The following IGSF10 variants were observed in gnomAD, a reference collection of about 807,000 sequenced individuals.
IGSF10 encodes immunoglobulin superfamily member 10, also known as calvaria mechanical force protein 608.
A neutral mutation model predicts 128.2 loss-of-function variants in IGSF10; 126 were observed. The ratio of observed to expected loss-of-function variants is 0.98; its 90% CI spans 0.85 to 1.14. The LOEUF (loss-of-function observed/expected upper bound fraction) is 1.14. Ranked by LOEUF, IGSF10 falls within the 50% of genes most tolerant of loss-of-function variation. The probability of loss-of-function intolerance (pLI) is 0.00; values close to 1 mark genes in which losing one functional copy is unlikely to be tolerated. For synonymous variants in IGSF10, 1,185 were observed against 1,146.2 expected (o/e 1.03, Z -0.68); for missense variants, 3,295 against 3,149.8 (o/e 1.05, Z -1.10).
the IGSF10 span, among the ~76,000 whole-genome samples, chr3:151,619,698 C>T: frequency 1.1e-4 from 17 of 152,138 alleles, no homozygotes; most frequent in South Asian, 4.2e-4. Flanking sequence ...ATCCCCACTG[C>T]GGCAGGGTTG....
the IGSF10 span, among the ~76,000 whole-genome samples, chr3:151,606,031 T>G: frequency 6.6e-6 from 1 of 152,198 alleles, no homozygotes; most frequent in Non-Finnish European, 1.5e-5. Flanking sequence ...GAATCACTAT[T>G]CTATCTGAAC....
chr3:151,506,504 T>C, the IGSF10 span, among the ~76,000 whole-genome samples: 1 of 152,214 alleles, frequency 6.6e-6, no homozygotes. Context: ...GATTTCTGCC[T>C]ATGTATAATA....
the IGSF10 span, among the ~76,000 whole-genome samples, chr3:151,570,014 T>C: frequency 6.6e-6 from 1 of 152,134 alleles, no homozygotes; most frequent in Admixed American, 6.6e-5. Context: ...ATAAGTTTGC[T>C]GAGAATGATG....
the IGSF10 span, among the ~76,000 whole-genome samples, chr3:151,559,714 G>A: frequency 6.6e-6 from 1 of 152,014 alleles, no homozygotes; most frequent in East Asian, 1.9e-4. Flanking sequence ...GATAGGGGAG[G>A]GTATGGGAGA....
rs755635081 is a variant in IGSF10, at chr3:151,447,516, G to T, written c.2465C>A (p.Thr822Asn). ...KALNLPARTV[T>N]ADSRTISDSP... is the part of the protein sequence containing the mutation. The stretch of plus-strand genomic sequence containing the variant: ...ATCAGATATTGTTCTGGAGTCAGCA[G>T]TCACTGTCCTTGCTGGAAGGTTCAA... The change falls in exon 6 of 8, where the codon ACT becomes AAT. Residue 822 changes from threonine (T) to asparagine (N), a missense_variant. Transcript: ENST00000282466. 3 of 1,614,038 alleles carry T rather than the reference G, an allele frequency of 1.9e-6. No homozygotes were observed. Among genetic ancestry groups the T allele is most frequent in the Non-Finnish European group, 2.5e-6 (3 of 1,179,982 alleles).
the IGSF10 span, among the ~76,000 whole-genome samples, chr3:151,596,478 ATGTG>A: frequency 3.3e-5 from 5 of 151,148 alleles, no homozygotes; most frequent in Non-Finnish European, 4.4e-5. Flanking sequence ...TATGGTGTTT[ATGTG>A]TGTGTGTGTG....
the IGSF10 span, among the ~76,000 whole-genome samples, chr3:151,609,647 T>C: frequency 1.3e-5 from 2 of 152,166 alleles, no homozygotes; most frequent in Non-Finnish European, 2.9e-5. Flanking sequence ...CACCATTAAA[T>C]ACTGTGCGGC....
chr3:151,617,195 TCTTTCC>T, the IGSF10 span, among the ~76,000 whole-genome samples: 1 of 116,782 alleles, frequency 8.6e-6, no homozygotes. Context: ...TCCTCCTCCT[TCTTTCC>T]TCCTCCTCCT....
chr3:151,529,915 G>A, the IGSF10 span, among the ~76,000 whole-genome samples: 1 of 151,946 alleles, frequency 6.6e-6, no homozygotes, highest in Non-Finnish European at 1.5e-5. Flanking sequence ...ACTCCTCCGA[G>A]TTAAAGGAAC....
chr3:151,548,651 C>T, the IGSF10 span, among the ~76,000 whole-genome samples: 2 of 152,098 alleles, frequency 1.3e-5, no homozygotes, highest in Non-Finnish European at 2.9e-5. Context: ...TGTAAGTCAA[C>T]CCTTTCAATG....
At chr3:151,435,655 A>G (rs1720076375), downstream of IGSF10, 1 of 152,174 alleles carries the variant, frequency 6.6e-6, no homozygotes, top group Admixed American at 6.5e-5. Flanking sequence ...GTTTGAATAG[A>G]TGCTGGAGAA....
chr3:151,517,544 G>T, the IGSF10 span, among the ~76,000 whole-genome samples: 1 of 151,908 alleles, frequency 6.6e-6, no homozygotes, highest in Non-Finnish European at 1.5e-5. Flanking sequence ...AGAGTCAAAA[G>T]AAATGTGTGA....
chr3:151,451,145 C>G (rs1157070614), intron 5 of IGSF10, among the ~76,000 whole-genome samples: 1 of 152,120 alleles, frequency 6.6e-6, no homozygotes, highest in Non-Finnish European at 1.5e-5. Flanking sequence ...ACCCCCATTC[C>G]CTCGGTTCCA....
chr3:151,533,159 G>A, the IGSF10 span, among the ~76,000 whole-genome samples: 1 of 152,210 alleles, frequency 6.6e-6, no homozygotes, highest in Non-Finnish European at 1.5e-5. Context: ...GGAAATAAGA[G>A]AGAACACAAA....
the IGSF10 span, among the ~76,000 whole-genome samples, chr3:151,550,123 A>G: frequency 1.3e-5 from 2 of 152,316 alleles, no homozygotes; most frequent in East Asian, 3.9e-4. Flanking sequence ...GTAGTAGTTC[A>G]TTAATAATTT....
At chr3:151,576,347 T>C in the IGSF10 span, among the ~76,000 whole-genome samples, 1 of 152,200 alleles carries the variant, frequency 6.6e-6, no homozygotes, top group Non-Finnish European at 1.5e-5. Context: ...CTGCTATTTA[T>C]TTATTCACTT....
the IGSF10 span, among the ~76,000 whole-genome samples, chr3:151,589,928 A>G: frequency 6.6e-6 from 1 of 152,248 alleles, no homozygotes; most frequent in East Asian, 1.9e-4. Flanking sequence ...AGTGGTGACC[A>G]ACTTTTGCCC....
At chr3:151,454,584 A>AC (rs1238754376) in intron 4 of IGSF10, among the ~76,000 whole-genome samples, 1 of 69,938 alleles carries the variant, frequency 1.4e-5, no homozygotes, top group Non-Finnish European at 3.2e-5. Context: ...AATTTTTATA[A>AC]GGTTTTTTTT....
chr3:151,493,773 C>T, the IGSF10 span, among the ~76,000 whole-genome samples: 1 of 152,070 alleles, frequency 6.6e-6, no homozygotes, highest in South Asian at 2.1e-4. Flanking sequence ...GTATATGTAT[C>T]CCATAATATG....
Sources: gnomAD v4.1 joint callset for allele counts (sites outside exome capture counted in the v4.1 genomes callset) on GRCh38, gnomAD v4.1.1 for gene constraint, MANE v1.5 for transcripts, NCBI Gene and HGNC (gene_info 2026-07-23, HGNC 2026-07-21) for gene names.